The following NIPAL2 variants were observed in gnomAD, a reference collection of about 807,000 sequenced individuals.
NIPAL2 encodes the protein NIPA-like protein 2.
NIPAL2 carries 43 observed loss-of-function variants against 48.9 expected under a neutral mutation model. The observed-to-expected ratio is 0.88, with a 90% CI of 0.69 to 1.13. NIPAL2 has a LOEUF of 1.13. Among genes scored for constraint, NIPAL2 ranks in the 50% most tolerant of loss-of-function variants. The pLI, the probability that NIPAL2 is intolerant of heterozygous loss-of-function variation, is 0.00. For missense variants in NIPAL2, 446 were observed against 461.4 expected (o/e 0.97, Z 0.31); for synonymous variants, 167 against 174.6 (o/e 0.96, Z 0.34).
intron 9 of NIPAL2, 101 bp from the exon 10 acceptor site, chr8:98,194,923 G>A (rs1422036862): frequency 3.3e-6 from 2 of 615,354 alleles, no homozygotes; most frequent in Non-Finnish European, 5.1e-6. Context: ...AAATCCCATT[G>A]GTTTTGTTCT....
chr8:98,193,005 G>A lies in NIPAL2; in HGVS notation c.1125C>T (p.Ser375=). 6.2e-7 allele frequency: 1 copy of A among 1,613,176 alleles called. No homozygotes were observed. The highest frequency in any genetic ancestry group is 1.1e-5 in the South Asian group (1 of 91,042). Residue 375 remains serine (S), a synonymous_variant, in exon 11 of 11, where the codon AGC becomes AGT. Coordinates refer to ENST00000430223, the MANE Select transcript of NIPAL2 (RefSeq NM_001321635.2). ...TLPDGSDSTK[S]QSGEKKEV is the part of the protein sequence containing the mutation. ...AGACCTCTTTCTTCTCTCCACTTTG[G>A]CTCTTTGTTGAGTCACTTCCATCAG...
intron 1 of NIPAL2, among the ~76,000 whole-genome samples, chr8:98,255,411 C>A (rs2130836240): frequency 6.6e-6 from 1 of 152,284 alleles, no homozygotes; most frequent in African/African-American, 2.4e-5. Flanking sequence ...ATGAGCATTG[C>A]AACCACAAAG....
chr8:98,292,375 A>G (rs1816531196), intron 1 of NIPAL2, among the ~76,000 whole-genome samples: 1 of 152,254 alleles, frequency 6.6e-6, no homozygotes, highest in African/African-American at 2.4e-5. Flanking sequence ...TACTGAAAAG[A>G]TAAAATACCA....
At chr8:98,234,694 C>T (rs1265119739) in intron 4 of NIPAL2, among the ~76,000 whole-genome samples, 5 of 145,888 alleles carry the variant, frequency 3.4e-5, no homozygotes, top group African/African-American at 1.0e-4. Flanking sequence ...ACTACAAGTG[C>T]ATGACACCAC....
chr8:98,250,877 T>C (rs986884672), intron 3 of NIPAL2, among the ~76,000 whole-genome samples: 1 of 152,136 alleles, frequency 6.6e-6, no homozygotes. Context: ...GCAGCTTCAC[T>C]GAAGGTCTAG....
chr8:98,289,579 G>C (rs567092003), intron 1 of NIPAL2, among the ~76,000 whole-genome samples: 1 of 150,200 alleles, frequency 6.7e-6, no homozygotes, highest in South Asian at 2.1e-4. Context: ...TTGAACTCTT[G>C]GGCTCAAGAG....
chr8:98,237,622 C>G (rs865834204), intron 3 of NIPAL2, among the ~76,000 whole-genome samples: 8 of 152,304 alleles, frequency 5.3e-5, no homozygotes, highest in African/African-American at 1.7e-4. Flanking sequence ...TATGATTTTG[C>G]TTCTGATGCT....
At chr8:98,288,951 T>G (rs1051363457) in intron 1 of NIPAL2, among the ~76,000 whole-genome samples, 1 of 152,234 alleles carries the variant, frequency 6.6e-6, no homozygotes, top group Non-Finnish European at 1.5e-5. Flanking sequence ...GCAATCACTT[T>G]CTTGCTTTTC....
chr8:98,195,111 C>T (rs966278876), intron 9 of NIPAL2, among the ~76,000 whole-genome samples: 19 of 152,174 alleles, frequency 1.2e-4, no homozygotes, highest in South Asian at 4.1e-4. Flanking sequence ...TGCCCATGCA[C>T]GCCCAGATCC....
intron 1 of NIPAL2, among the ~76,000 whole-genome samples, chr8:98,280,870 T>C (rs1036648376): frequency 6.6e-6 from 1 of 151,034 alleles, no homozygotes; most frequent in Non-Finnish European, 1.5e-5. Flanking sequence ...TTTATTGTAC[T>C]ACTCTTTTTT....
chr8:98,201,020 G>T lies in NIPAL2; in HGVS notation c.880+2088C>A, dbSNP rs115719168. ...ATCAAAGAGTAGAAATATTGTTAAG[G>T]CTTTTGATAAAAACTACAAAACTCA... is the stretch of plus-strand genomic sequence containing the variant. On this transcript the variant is annotated intron_variant, in intron 8 of 10. Coordinates refer to ENST00000430223, the MANE Select transcript of NIPAL2 (RefSeq NM_001321635.2). 5.7e-3 allele frequency among the ~76,000 whole-genome samples: 873 copies of T among 152,228 alleles called. 11 individuals carry two copies. Among genetic ancestry groups the T allele is most frequent in the African/African-American group, 0.02 (834 of 41,530 alleles).
chr8:98,218,543 C>T (rs1811689163), intron 5 of NIPAL2, among the ~76,000 whole-genome samples: 1 of 152,070 alleles, frequency 6.6e-6, no homozygotes, highest in African/African-American at 2.4e-5. Context: ...TAGGAAGTGA[C>T]AGCACTAGGG....
chr8:98,276,688 C>T (rs1815483912), intron 1 of NIPAL2, among the ~76,000 whole-genome samples: 1 of 152,040 alleles, frequency 6.6e-6, no homozygotes, highest in African/African-American at 2.4e-5. Context: ...AATAAGAGTT[C>T]CTGGTCATTA....
intron 1 of NIPAL2, among the ~76,000 whole-genome samples, chr8:98,273,686 A>G (rs1007117903): frequency 6.6e-6 from 1 of 152,080 alleles, no homozygotes; most frequent in Non-Finnish European, 1.5e-5. Flanking sequence ...GATATATTTA[A>G]TAAATATATT....
intron 5 of NIPAL2, among the ~76,000 whole-genome samples, chr8:98,218,093 A>G (rs933683041): frequency 2.3e-4 from 35 of 152,370 alleles, no homozygotes; most frequent in Admixed American, 1.7e-3. Context: ...TGTTAAAGCA[A>G]TACAAGATAG....
chr8:98,213,904 A>G (rs1811444202), intron 5 of NIPAL2, among the ~76,000 whole-genome samples: 1 of 152,144 alleles, frequency 6.6e-6, no homozygotes, highest in South Asian at 2.1e-4. Flanking sequence ...TCCCTACTAG[A>G]ATGCCAGCCC....
intron 3 of NIPAL2, among the ~76,000 whole-genome samples, chr8:98,244,281 T>G (rs1424385009): frequency 7.4e-6 from 1 of 135,886 alleles, no homozygotes; most frequent in African/African-American, 2.8e-5. Context: ...GGCGTGGTGA[T>G]GAGAGGTAGT....
At position 98,293,993 on chromosome 8, in the gene NIPAL2, C is replaced by T. The variant is rs1325633946; in HGVS notation, c.135+10G>A. On this transcript the variant is annotated intron_variant, in intron 1 of 10. Transcript: ENST00000430223. ...CCACCGGGCTGCGGTGGCTGCGGGG[C>T]GGCCCTTACCTGGTTCCTGCGGTAC... 2.1e-5 allele frequency: 30 copies of T among 1,463,172 alleles called. No homozygotes were observed. Among genetic ancestry groups the T allele is most frequent in the Non-Finnish European group, 2.7e-6 (3 of 1,105,970 alleles). The allele number at this position is 1,463,172 out of a possible 1,614,324, so 90.6% of individuals were successfully genotyped here.
At chr8:98,286,830 A>AAAC (rs1563559964) in intron 1 of NIPAL2, among the ~76,000 whole-genome samples, 35 of 127,644 alleles carry the variant, frequency 2.7e-4, no homozygotes, top group African/African-American at 1.0e-3. Flanking sequence ...AAAAAAAAAA[A>AAAC]AAAACCAAAA....
Sources: gnomAD v4.1 joint callset for allele counts (sites outside exome capture counted in the v4.1 genomes callset) on GRCh38, gnomAD v4.1.1 for gene constraint, MANE v1.5 for transcripts, NCBI Gene and HGNC (gene_info 2026-07-23, HGNC 2026-07-21) for gene names.